The following ZNRF1 variants were observed in gnomAD, a reference collection of about 807,000 sequenced individuals.
ZNRF1 encodes the protein zinc and ring finger 1, also known as E3 ubiquitin-protein ligase ZNRF1.
Under a neutral mutation model 18.4 loss-of-function variants are expected in ZNRF1, and 3 were observed. The observed-to-expected ratio is 0.16, with a 90% confidence interval of 0.07 to 0.42. ZNRF1 has a LOEUF of 0.42. Ranked by LOEUF, ZNRF1 falls within the 10% of genes least tolerant of loss-of-function variation. ZNRF1 has a pLI of 0.99. For missense variants in ZNRF1, 310 were observed against 329.8 expected (o/e 0.94, Z 0.47); for synonymous variants, 157 against 144.2 (o/e 1.09, Z -0.64).
intron 1 of ZNRF1, among the ~76,000 whole-genome samples, chr16:75,039,498 G>C: frequency 6.6e-6 from 1 of 152,320 alleles, no homozygotes; most frequent in African/African-American, 2.4e-5. Context: ...GTATACGAGA[G>C]TGTTGTAGCT....
rs2036369927 is a variant in ZNRF1, at chr16:75,110,496, T to C, written c.*2796T>C. On this transcript the variant is annotated 3_prime_UTR_variant, in exon 5 of 5. Coordinates refer to ENST00000335325, the MANE Select transcript of ZNRF1 (RefSeq NM_032268.5). ...TGCAGTTCATGGGAAAATGTCCTCATTCTTAGGAGATAGATGCTGGATTAT... is the reference window on the plus strand; with the variant it reads ...TGCAGTTCATGGGAAAATGTCCTCACTCTTAGGAGATAGATGCTGGATTAT... 1 of 152,244 alleles carries C rather than the reference T, an allele frequency of 6.6e-6. No homozygotes were observed. Among genetic ancestry groups the C allele is most frequent in the Non-Finnish European group, 1.5e-5 (1 of 68,040 alleles). The allele number at this position is 152,244 out of a possible 1,614,324, so 9.4% of individuals were successfully genotyped here.
rs2036344118 is a variant in ZNRF1, at chr16:75,108,607, A to G, written c.*907A>G. 2.5e-6 allele frequency: 1 copy of G among 398,834 alleles called. No individual in the cohort carries two copies. The highest frequency in any genetic ancestry group is 4.4e-6 in the Non-Finnish European group (1 of 226,066). 24.7% of individuals were successfully genotyped at this position (398,834 alleles called of 1,614,324 possible). ...CTGTATTTATATATTAAAATACAAA[A>G]AAAAACTTATAAAATGTTTAAAAAA... is the stretch of plus-strand genomic sequence containing the variant. On this transcript the variant is annotated 3_prime_UTR_variant, in exon 5 of 5. Transcript: ENST00000335325.
Position 75,099,751 on chromosome 16 carries a change from G to A in ZNRF1, c.521-5033G>A, listed in dbSNP as rs545571664. Among the ~76,000 whole-genome samples, 4 of 152,198 alleles carry A rather than the reference G, an allele frequency of 2.6e-5. No homozygotes were observed. In the South Asian group the frequency reaches 8.3e-4, roughly 32 times the overall value. ...GAGTCTCAGTTTGTGTGGGCCAGGC[G>A]CCTGGGTTTTGTGCTGCGAGGCCCC... On this transcript the variant is annotated intron_variant, in intron 2 of 4. Transcript: ENST00000335325.
chr16:75,075,205 G>C (rs2035923959), intron 1 of ZNRF1, among the ~76,000 whole-genome samples: 1 of 152,232 alleles, frequency 6.6e-6, no homozygotes, highest in African/African-American at 2.4e-5. Context: ...TTTAGCATAG[G>C]GGGAAAGGGC....
At chr16:75,019,081 G>C (rs1354821868) in intron 1 of ZNRF1, among the ~76,000 whole-genome samples, 1 of 152,162 alleles carries the variant, frequency 6.6e-6, no homozygotes, top group East Asian at 1.9e-4. Flanking sequence ...CAGGATGACT[G>C]CTTGAACCCA....
intron 1 of ZNRF1, among the ~76,000 whole-genome samples, chr16:75,073,978 T>G (rs920072518): frequency 6.6e-6 from 1 of 152,172 alleles, no homozygotes; most frequent in Admixed American, 6.5e-5. Flanking sequence ...TAAAATACCC[T>G]AACTTTCAGC....
At chr16:75,031,422 C>CTGG (rs2035301858) in intron 1 of ZNRF1, among the ~76,000 whole-genome samples, 3 of 152,112 alleles carry the variant, frequency 2.0e-5, no homozygotes, top group Non-Finnish European at 4.4e-5. Flanking sequence ...GCCACCGTGC[C>CTGG]CGGCCATGTC....
intron 2 of ZNRF1, among the ~76,000 whole-genome samples, chr16:75,098,248 G>A (rs1393215002): frequency 6.6e-6 from 1 of 152,242 alleles, no homozygotes; most frequent in East Asian, 1.9e-4. Flanking sequence ...ACTAGGGGAG[G>A]CCTGCAAGGC....
At chr16:75,093,688 A>G (rs761993558) in intron 2 of ZNRF1, 21 bp downstream of exon 2, 87 of 1,600,608 alleles carry the variant, frequency 5.4e-5, no homozygotes, top group Non-Finnish European at 7.4e-5. Flanking sequence ...GGCCTGCCTC[A>G]CCAGCCTCCA....
At chr16:75,010,384 C>A (rs1228007599) in intron 1 of ZNRF1, among the ~76,000 whole-genome samples, 1 of 152,100 alleles carries the variant, frequency 6.6e-6, no homozygotes, top group Non-Finnish European at 1.5e-5. Context: ...ATGTATTCCC[C>A]TCGGGAATAA....
intron 1 of ZNRF1, among the ~76,000 whole-genome samples, chr16:75,044,070 C>T (rs559799868): frequency 1.4e-4 from 22 of 151,974 alleles, no homozygotes; most frequent in Non-Finnish European, 1.9e-4. Context: ...GCCTCAGCCT[C>T]CCAAAGTGCT....
At chr16:75,038,573 C>A (rs1219580380) in intron 1 of ZNRF1, among the ~76,000 whole-genome samples, 1 of 152,182 alleles carries the variant, frequency 6.6e-6, no homozygotes, top group African/African-American at 2.4e-5. Context: ...TGCTGAAGAG[C>A]TGGTAAGATG....
intron 2 of ZNRF1, chr16:75,095,855 C>G: frequency 9.7e-7 from 1 of 1,029,358 alleles, no homozygotes; most frequent in East Asian, 2.8e-5. Context: ...TGTTGGTTTA[C>G]CCCCCTACAC....
At chr16:75,019,612 A>T (rs561778311) in intron 1 of ZNRF1, among the ~76,000 whole-genome samples, 3 of 152,330 alleles carry the variant, frequency 2.0e-5, no homozygotes, top group Non-Finnish European at 2.9e-5. Flanking sequence ...GCAGAAAAAT[A>T]AAAATGTTGG....
At chr16:75,049,755 G>A (rs2035566605) in intron 1 of ZNRF1, among the ~76,000 whole-genome samples, 1 of 152,114 alleles carries the variant, frequency 6.6e-6, no homozygotes, top group South Asian at 2.1e-4. Context: ...CATAATTACA[G>A]TGCAATAGCA....
intron 1 of ZNRF1, among the ~76,000 whole-genome samples, chr16:75,042,443 CTTTTT>C (rs56212046): frequency 1.7e-5 from 2 of 116,964 alleles, no homozygotes; most frequent in African/African-American, 6.3e-5. Flanking sequence ...CTGTTTCTTT[CTTTTT>C]TTTTTTTTTT....
chr16:75,087,433 G>A (rs1273929388), intron 1 of ZNRF1, among the ~76,000 whole-genome samples: 1 of 152,234 alleles, frequency 6.6e-6, no homozygotes, highest in Non-Finnish European at 1.5e-5. Context: ...GGCACTTGTT[G>A]AAAGACAGGA....
intron 1 of ZNRF1, among the ~76,000 whole-genome samples, chr16:75,044,256 GTC>G (rs1298333919): frequency 3.3e-5 from 5 of 151,998 alleles, no homozygotes; most frequent in Non-Finnish European, 5.9e-5. Flanking sequence ...TTGAGACGGA[GTC>G]TCTCTCTGTT....
chr16:75,038,346 G>A lies in ZNRF1; in HGVS notation c.424+38251G>A, dbSNP rs529404951. 5.9e-5 allele frequency among the ~76,000 whole-genome samples: 9 copies of A among 152,230 alleles called. No individual in the cohort carries two copies. In the South Asian group the frequency reaches 1.2e-3, roughly 21 times the overall value. On this transcript the variant is annotated intron_variant, in intron 1 of 4. Transcript: ENST00000335325. ...GAGGAGGCAAAGCCTTCTCTCTCTCGCTGTGGCTGTCTCCCTAGTTGTGAC... is the reference window on the plus strand; with the variant it reads ...GAGGAGGCAAAGCCTTCTCTCTCTCACTGTGGCTGTCTCCCTAGTTGTGAC...
Sources: allele counts gnomAD v4.1 joint callset (sites outside exome capture counted in the v4.1 genomes callset), GRCh38; gene constraint gnomAD v4.1.1; transcripts MANE v1.5; gene names NCBI Gene and HGNC (gene_info 2026-07-23, HGNC 2026-07-21).